RELN: variants seen among roughly 807,000 people sequenced by gnomAD.
The protein encoded by RELN is reelin.
Under a neutral mutation model 427.6 loss-of-function variants are expected in RELN, and 108 were observed. The observed-to-expected ratio is 0.25, with a 90% CI of 0.22 to 0.30. The LOEUF (loss-of-function observed/expected upper bound fraction) is 0.30. Among genes scored for constraint, RELN ranks in the 10% least tolerant of loss-of-function variants. The pLI is 1.00. For synonymous variants in RELN, 1,524 were observed against 1,513.4 expected (o/e 1.01, Z -0.16); for missense variants, 3,715 against 4,302.8 (o/e 0.86, Z 3.82).
intron 11 of RELN, among the ~76,000 whole-genome samples, chr7:103,675,929 A>C (rs1320436005): frequency 2.0e-5 from 3 of 152,168 alleles, no homozygotes; most frequent in African/African-American, 7.2e-5. Context: ...TAAAACCATA[A>C]ATACCCTAGA....
intron 2 of RELN, among the ~76,000 whole-genome samples, chr7:103,894,000 G>A (rs1218952134): frequency 1.3e-5 from 2 of 152,076 alleles, no homozygotes; most frequent in Non-Finnish European, 2.9e-5. Flanking sequence ...GAATAGAAGG[G>A]AATAAATTAT....
At chr7:103,857,528 G>A (rs551884709) in intron 2 of RELN, among the ~76,000 whole-genome samples, 61 of 152,320 alleles carry the variant, frequency 4.0e-4, no homozygotes, top group African/African-American at 1.4e-3. Context: ...AACAGGATAT[G>A]CACACGTAAG....
At chr7:103,834,580 T>C (rs181934947) in intron 2 of RELN, among the ~76,000 whole-genome samples, 1 of 152,264 alleles carries the variant, frequency 6.6e-6, no homozygotes, top group Admixed American at 6.5e-5. Flanking sequence ...AGATATAAAA[T>C]AGTAATAAAT....
At chr7:103,594,730 T>C (rs899509262) in intron 25 of RELN, among the ~76,000 whole-genome samples, 1 of 152,226 alleles carries the variant, frequency 6.6e-6, no homozygotes, top group East Asian at 1.9e-4. Flanking sequence ...AGGGAGAATA[T>C]TTCAACTGAG....
intron 2 of RELN, among the ~76,000 whole-genome samples, chr7:103,871,258 A>G (rs1414061655): frequency 1.1e-4 from 6 of 53,544 alleles, no homozygotes; most frequent in African/African-American, 3.7e-4. Flanking sequence ...CGAAAAGAAT[A>G]AATGAATGAA....
At chr7:103,800,967 G>T (rs1157107069) in intron 3 of RELN, among the ~76,000 whole-genome samples, 4 of 152,080 alleles carry the variant, frequency 2.6e-5, no homozygotes, top group Non-Finnish European at 5.9e-5. Context: ...GCAGCCAAAA[G>T]ACACATGAAA....
In RELN at chr7:103,675,050, G is replaced by C. The variant is rs183677385; in HGVS notation, c.1289+7066C>G. Among the ~76,000 whole-genome samples the C allele has an allele frequency of 2.6e-4, 39 of 152,226 alleles. No individual in the cohort carries two copies. In the East Asian group the frequency reaches 5.6e-3, roughly 22 times the overall value. Reference sequence around the variant, plus strand: ...AGTTCTGGCCAGGGCAATTAGGCAGGAGAAAGAAATAAAGTGTATTCAACT... The same window carrying C: ...AGTTCTGGCCAGGGCAATTAGGCAGCAGAAAGAAATAAAGTGTATTCAACT... On this transcript the variant is annotated intron_variant, in intron 11 of 64. Coordinates refer to ENST00000428762, the MANE Select transcript of RELN (RefSeq NM_005045.4).
chr7:103,682,292 G>A (rs375399109), intron 10 of RELN, 31 bp from the exon 11 acceptor site: 28 of 1,612,800 alleles, frequency 1.7e-5, no homozygotes, highest in Admixed American at 5.0e-5. Context: ...CGGGGTGGCT[G>A]TTGAATTGGT....
At position 103,911,427 on chromosome 7, in the gene RELN, A is replaced by C. The variant is rs370613600; in HGVS notation, c.337+5648T>G. Reference sequence around the variant, plus strand: ...GGTGGGACTGTAAACTAGTTCAACCATTGTGGAAGTCAGTGTGGCGATTCC... The same window carrying C: ...GGTGGGACTGTAAACTAGTTCAACCCTTGTGGAAGTCAGTGTGGCGATTCC... On this transcript the variant is annotated intron_variant, in intron 2 of 64. Coordinates refer to ENST00000428762, the MANE Select transcript of RELN (RefSeq NM_005045.4). 6.3e-3 allele frequency among the ~76,000 whole-genome samples: 872 copies of C among 138,802 alleles called. 12 individuals are homozygous for C. Among genetic ancestry groups the C allele is most frequent in the East Asian group, 0.056 (233 of 4,192 alleles). The allele number at this position is 138,802 out of a possible 152,430, so 91.1% of individuals were successfully genotyped here. A position where few individuals can be genotyped will look rare whatever the true frequency, so the allele number is the denominator to read the frequency against.
chr7:103,645,020 T>C (rs1488194138), intron 16 of RELN, among the ~76,000 whole-genome samples: 1 of 151,792 alleles, frequency 6.6e-6, no homozygotes, highest in African/African-American at 2.4e-5. Flanking sequence ...TTTTGTATTC[T>C]ATTAGAATTA....
chr7:103,856,660 A>T (rs1022214884), intron 2 of RELN, among the ~76,000 whole-genome samples: 7 of 152,038 alleles, frequency 4.6e-5, no homozygotes, highest in African/African-American at 1.7e-4. Context: ...TGCAATTGGA[A>T]ATCGTATATA....
chr7:103,870,694 A>G (rs983087392), intron 2 of RELN, among the ~76,000 whole-genome samples: 2 of 152,098 alleles, frequency 1.3e-5, no homozygotes, highest in Non-Finnish European at 2.9e-5. Flanking sequence ...CCAGACCTTC[A>G]GTGTCCTCCA....
intron 9 of RELN, among the ~76,000 whole-genome samples, chr7:103,699,155 G>A (rs1360129673): frequency 6.6e-6 from 1 of 152,002 alleles, no homozygotes; most frequent in African/African-American, 2.4e-5. Context: ...GATTGCCTTT[G>A]CTAAGATTAA....
At chr7:103,776,049 G>A (rs577282403) in intron 4 of RELN, among the ~76,000 whole-genome samples, 6 of 152,240 alleles carry the variant, frequency 3.9e-5, no homozygotes, top group Non-Finnish European at 7.3e-5. Context: ...CATGCATCCC[G>A]GTCACATATA....
At chr7:103,868,996 T>C (rs1285371327) in intron 2 of RELN, among the ~76,000 whole-genome samples, 1 of 152,112 alleles carries the variant, frequency 6.6e-6, no homozygotes, top group Non-Finnish European at 1.5e-5. Flanking sequence ...ATATCCAGTT[T>C]GAAAATATAT....
rs768408251 is a variant in RELN, at chr7:103,603,255, T to C, written c.3333+49A>G. 7.0e-7 allele frequency: 1 copy of C among 1,429,104 alleles called. No homozygotes were observed. The highest frequency in any genetic ancestry group is 2.3e-5 in the East Asian group (1 of 43,996). The allele number at this position is 1,429,104 out of a possible 1,614,324, so 88.5% of individuals were successfully genotyped here. Reference sequence around the variant, plus strand: ...TGTACATTTGGAATTCAGAGTCTCATATTAAACTAGCCATTGCCCCGATGA... The same window carrying C: ...TGTACATTTGGAATTCAGAGTCTCACATTAAACTAGCCATTGCCCCGATGA... On this transcript the variant is annotated intron_variant, in intron 24 of 64. Coordinates refer to ENST00000428762, the MANE Select transcript of RELN (RefSeq NM_005045.4). The surrounding 1 kb of genome is among the most constrained non-coding windows in gnomAD (Gnocchi z 4.3).
intron 31 of RELN, among the ~76,000 whole-genome samples, chr7:103,568,132 G>A (rs1830802482): frequency 6.6e-6 from 1 of 151,908 alleles, no homozygotes; most frequent in African/African-American, 2.4e-5. Context: ...AATTTTTTTT[G>A]CTATACACAA....
At chr7:103,610,931 T>C in intron 21 of RELN, 124 bp from the exon 22 acceptor site, 1 of 704,842 alleles carries the variant, frequency 1.4e-6, no homozygotes, top group South Asian at 1.5e-5. Flanking sequence ...TAACTATTTG[T>C]GATATGGAAA....
chr7:103,855,607 CTTA>C (rs1401757203), intron 2 of RELN, among the ~76,000 whole-genome samples: 1 of 152,134 alleles, frequency 6.6e-6, no homozygotes, highest in Non-Finnish European at 1.5e-5. Flanking sequence ...TCTGTAACAA[CTTA>C]TTATAAAGTG....
Sources: allele counts gnomAD v4.1 joint callset (sites outside exome capture counted in the v4.1 genomes callset), GRCh38; gene constraint gnomAD v4.1.1; non-coding constraint Gnocchi (gnomAD v3.1); transcripts MANE v1.5; gene names NCBI Gene and HGNC (gene_info 2026-07-23, HGNC 2026-07-21).